MATCAP2: variants seen among roughly 807,000 people sequenced by gnomAD.
MATCAP2 encodes putative tyrosine carboxypeptidase MATCAP2.
the MATCAP2 span, among the ~76,000 whole-genome samples, chr7:36,380,932 T>C: frequency 6.6e-6 from 1 of 152,226 alleles, no homozygotes; most frequent in Non-Finnish European, 1.5e-5. Flanking sequence ...GGTTTCACCA[T>C]GTTGGCCAGG....
the MATCAP2 span, among the ~76,000 whole-genome samples, chr7:36,359,314 G>C: frequency 6.6e-6 from 1 of 152,066 alleles, no homozygotes; most frequent in Non-Finnish European, 1.5e-5. Context: ...TCACTGCATA[G>C]GACAATCTCC....
At chr7:36,341,350 T>A in the MATCAP2 span, among the ~76,000 whole-genome samples, 1 of 152,222 alleles carries the variant, frequency 6.6e-6, no homozygotes, top group Non-Finnish European at 1.5e-5. Context: ...AAAAGAGATG[T>A]GATACATTGC....
the MATCAP2 span, among the ~76,000 whole-genome samples, chr7:36,373,997 C>T: frequency 1.3e-5 from 2 of 152,152 alleles, no homozygotes; most frequent in East Asian, 3.9e-4. Flanking sequence ...TGGTCTTGAT[C>T]TCCTGACCTC....
At chr7:36,332,726 A>G in the MATCAP2 span, among the ~76,000 whole-genome samples, 1 of 152,184 alleles carries the variant, frequency 6.6e-6, no homozygotes, top group Admixed American at 6.5e-5. Context: ...TCAGGACTTC[A>G]AGACCAGCCT....
the MATCAP2 span, among the ~76,000 whole-genome samples, chr7:36,387,011 TA>T: frequency 6.6e-6 from 1 of 152,164 alleles, no homozygotes; most frequent in African/African-American, 2.4e-5. Flanking sequence ...ATTAACAGGA[TA>T]ATGGGTACAT....
chr7:36,374,045 T>A, the MATCAP2 span, among the ~76,000 whole-genome samples: 1 of 152,164 alleles, frequency 6.6e-6, no homozygotes, highest in Admixed American at 6.5e-5. Context: ...GTACTGGGAT[T>A]ACAGGCGTGA....
the MATCAP2 span, among the ~76,000 whole-genome samples, chr7:36,340,476 T>TG: frequency 6.6e-6 from 1 of 152,246 alleles, no homozygotes; most frequent in Non-Finnish European, 1.5e-5. Flanking sequence ...CATCTTGACT[T>TG]GCACGGCACC....
the MATCAP2 span, among the ~76,000 whole-genome samples, chr7:36,371,483 CAA>C: frequency 6.6e-6 from 1 of 151,996 alleles, no homozygotes; most frequent in Non-Finnish European, 1.5e-5. Context: ...CAGATGTTGA[CAA>C]ATGTTTATTT....
At chr7:36,332,294 G>A in the MATCAP2 span, among the ~76,000 whole-genome samples, 1 of 152,128 alleles carries the variant, frequency 6.6e-6, no homozygotes, top group South Asian at 2.1e-4. Flanking sequence ...TTGAAAAAAA[G>A]AGTACAAATT....
At chr7:36,361,916 T>A in the MATCAP2 span, among the ~76,000 whole-genome samples, 1 of 152,360 alleles carries the variant, frequency 6.6e-6, no homozygotes, top group East Asian at 1.9e-4. Context: ...GATTTTATAG[T>A]GTATAATTCC....
At chr7:36,367,346 A>C in the MATCAP2 span, 2 of 993,262 alleles carry the variant, frequency 2.0e-6, no homozygotes, top group Non-Finnish European at 2.4e-6. Flanking sequence ...GAGGAACTAC[A>C]ACTCCCGGCG....
the MATCAP2 span, among the ~76,000 whole-genome samples, chr7:36,331,884 A>G: frequency 3.9e-5 from 6 of 152,222 alleles, no homozygotes; most frequent in South Asian, 8.3e-4. Flanking sequence ...AGGTATGCCA[A>G]TAGCATGAGG....
the MATCAP2 span, among the ~76,000 whole-genome samples, chr7:36,353,065 A>C: frequency 1.3e-5 from 2 of 152,116 alleles, no homozygotes; most frequent in Non-Finnish European, 2.9e-5. Flanking sequence ...ACTTGAGCTC[A>C]GGAGACCAGC....
At chr7:36,350,596 A>G in the MATCAP2 span, among the ~76,000 whole-genome samples, 5 of 144,902 alleles carry the variant, frequency 3.5e-5, no homozygotes, top group Non-Finnish European at 5.9e-5. Flanking sequence ...GTGCAATGGC[A>G]TGATCTTGGC....
the MATCAP2 span, among the ~76,000 whole-genome samples, chr7:36,381,977 TA>T: frequency 6.6e-6 from 1 of 152,106 alleles, no homozygotes; most frequent in South Asian, 2.1e-4. Context: ...ATAAATCTGT[TA>T]CATTCTCTTG....
chr7:36,387,866 A>G, the MATCAP2 span, among the ~76,000 whole-genome samples: 3 of 152,118 alleles, frequency 2.0e-5, no homozygotes, highest in Admixed American at 6.5e-5. Context: ...TCATTTTCCA[A>G]CGTTGTTTAA....
chr7:36,342,348 T>G, the MATCAP2 span, among the ~76,000 whole-genome samples: 4 of 151,706 alleles, frequency 2.6e-5, no homozygotes. Flanking sequence ...CCCAGCTAAT[T>G]TTTGTATTTT....
chr7:36,368,370 G>A, the MATCAP2 span: 1 of 152,348 alleles, frequency 6.6e-6, no homozygotes. Flanking sequence ...CAGGCAACTT[G>A]TGAGAAATTG....
the MATCAP2 span, among the ~76,000 whole-genome samples, chr7:36,371,403 A>G: frequency 3.9e-5 from 6 of 152,118 alleles, no homozygotes; most frequent in East Asian, 1.2e-3. Flanking sequence ...GTGAGCCAGT[A>G]TTTTTTTATT....
Sources: allele counts gnomAD v4.1 joint callset (sites outside exome capture counted in the v4.1 genomes callset), GRCh38; gene constraint gnomAD v4.1.1; transcripts MANE v1.5; gene names NCBI Gene and HGNC (gene_info 2026-07-23, HGNC 2026-07-21).